WDR7: variants seen among roughly 807,000 people sequenced by gnomAD.
The protein encoded by WDR7 is WD repeat-containing protein 7.
WDR7 carries 46 observed loss-of-function variants against 169.4 expected under a neutral mutation model. The observed-to-expected ratio is 0.27, with a 90% CI of 0.21 to 0.35. The LOEUF (loss-of-function observed/expected upper bound fraction) is 0.35. Ranked by LOEUF, WDR7 falls within the 10% of genes least tolerant of loss-of-function variation. WDR7 has a pLI of 1.00. For synonymous variants in WDR7, 612 were observed against 666.8 expected (o/e 0.92, Z 1.27); for missense variants, 1,534 against 1,859.3 (o/e 0.83, Z 3.22).
rs371199081 is a variant in WDR7 at position 56,930,831 on chromosome 18, G to GC, written c.3714-4951dup. Among the ~76,000 whole-genome samples, 255 of 152,160 alleles carry GC rather than the reference G, an allele frequency of 1.7e-3. 1 individual carries two copies. The highest frequency in any genetic ancestry group is 5.9e-3 in the African/African-American group (245 of 41,484). On this transcript the variant is annotated intron_variant, in intron 22 of 27. Transcript: ENST00000254442. ...GAAAGTTTATATGTCTCCTCCACCG[G>GC]CCCCCCTGGAATATTCTCTTACATT...
At position 56,756,873 on chromosome 18, in the gene WDR7, T is replaced by C. The variant is rs78002177; in HGVS notation, c.2280T>C (p.Asp760=). The C allele has an allele frequency of 1.8e-4, 283 of 1,613,848 alleles. No homozygotes were observed. Among genetic ancestry groups the C allele is most frequent in the Non-Finnish European group, 2.2e-4 (260 of 1,179,992 alleles). The change falls in exon 15 of 28, where the codon GAT becomes GAC. Residue 760 remains aspartate (D), a synonymous_variant. Transcript: ENST00000254442. ...AGAACATCAAGGAACACCTCCTTGA[T>C]GATGAAGAGGAGGATGAGGAGATAA... ...IKENIKEHLL[D]DEEEDEEIMR...
intron 20 of WDR7, among the ~76,000 whole-genome samples, chr18:56,844,459 C>T (rs1426228672): frequency 2.0e-5 from 3 of 151,176 alleles, no homozygotes; most frequent in Non-Finnish European, 3.0e-5. Context: ...TGTGTTACAC[C>T]CTACTAAGGA....
At chr18:56,734,763 G>A (rs955030374) in intron 14 of WDR7, among the ~76,000 whole-genome samples, 1 of 151,658 alleles carries the variant, frequency 6.6e-6, no homozygotes, top group African/African-American at 2.4e-5. Context: ...GGTATTTTTT[G>A]TTCTTTATAT....
At chr18:56,840,322 G>C (rs1259959484) in intron 20 of WDR7, among the ~76,000 whole-genome samples, 1 of 151,912 alleles carries the variant, frequency 6.6e-6, no homozygotes, top group African/African-American at 2.4e-5. Context: ...GAACCAAAAT[G>C]ATCAAGATAT....
In WDR7 at chr18:56,844,851, A is replaced by G. The variant is rs568348682; in HGVS notation, c.3304+28707A>G. ...GGTATAGTAGTTCCTCCTTATCTGC[A>G]GTTTCAGTTACTCATGGTACAATAC... On this transcript the variant is annotated intron_variant, in intron 20 of 27. Coordinates refer to ENST00000254442, the MANE Select transcript of WDR7 (RefSeq NM_015285.3). Among the ~76,000 whole-genome samples, 3 of 152,300 alleles carry G rather than the reference A, an allele frequency of 2.0e-5. No individual in the cohort carries two copies. In the East Asian group the frequency reaches 5.8e-4, roughly 29 times the overall value.
chr18:56,754,584 A>G (rs1362242936), intron 14 of WDR7, among the ~76,000 whole-genome samples: 1 of 151,990 alleles, frequency 6.6e-6, no homozygotes, highest in Non-Finnish European at 1.5e-5. Context: ...GTATAGTTTC[A>G]TCTCACTTAA....
At chr18:56,857,122 A>G (rs1418270270) in intron 20 of WDR7, among the ~76,000 whole-genome samples, 1 of 152,178 alleles carries the variant, frequency 6.6e-6, no homozygotes, top group Admixed American at 6.5e-5. Flanking sequence ...GGTTCAATAT[A>G]AAACATTCAG....
chr18:56,979,928 A>G (rs2047617858), intron 26 of WDR7, among the ~76,000 whole-genome samples: 1 of 152,344 alleles, frequency 6.6e-6, no homozygotes, highest in African/African-American at 2.4e-5. Context: ...ATCCTTCATG[A>G]TATACTAAAA....
chr18:56,879,528 C>T (rs991451493), intron 20 of WDR7, among the ~76,000 whole-genome samples: 15 of 152,074 alleles, frequency 9.9e-5, no homozygotes, highest in African/African-American at 3.6e-4. Context: ...TTCTCTGATT[C>T]TGTGGGTTGT....
Position 56,934,275 on chromosome 18 carries a change from C to A in WDR7, c.3714-1513C>A, listed in dbSNP as rs189824109. Reference sequence around the variant, plus strand: ...AGCACTACTCACACAGTAAACATTTCTTTCACTGAATTTGCAGTTAGCCAA... The same window carrying A: ...AGCACTACTCACACAGTAAACATTTATTTCACTGAATTTGCAGTTAGCCAA... On this transcript the variant is annotated intron_variant, in intron 22 of 27. Coordinates refer to ENST00000254442, the MANE Select transcript of WDR7 (RefSeq NM_015285.3). 2.0e-5 allele frequency among the ~76,000 whole-genome samples: 3 copies of A among 152,224 alleles called. No individual in the cohort carries two copies. In the East Asian group the frequency reaches 5.8e-4, roughly 29 times the overall value.
At chr18:56,953,160 G>T (rs571569587) in intron 25 of WDR7, among the ~76,000 whole-genome samples, 1 of 151,994 alleles carries the variant, frequency 6.6e-6, no homozygotes, top group South Asian at 2.1e-4. Flanking sequence ...AGTAATATAG[G>T]AACTCTCTCC....
chr18:56,867,038 T>C (rs2045892236), intron 20 of WDR7, among the ~76,000 whole-genome samples: 1 of 152,028 alleles, frequency 6.6e-6, no homozygotes, highest in Admixed American at 6.6e-5. Context: ...TATTTATTTA[T>C]TTTTGAGGCA....
intron 1 of WDR7, among the ~76,000 whole-genome samples, chr18:56,663,572 A>G (rs2024952007): frequency 6.6e-6 from 1 of 152,054 alleles, no homozygotes; most frequent in African/African-American, 2.4e-5. Flanking sequence ...ATGTACACAT[A>G]TAGATGCACA....
intron 20 of WDR7, chr18:56,873,550 T>G (rs531618926): frequency 2.6e-4 from 39 of 152,274 alleles, no homozygotes; most frequent in African/African-American, 8.9e-4. Context: ...AATTTCCTAC[T>G]GGAAGCAGCC....
chr18:56,962,327 C>G, intron 25 of WDR7, 103 bp from the exon 26 acceptor site: 1 of 674,132 alleles, frequency 1.5e-6, no homozygotes, highest in Non-Finnish European at 2.5e-6. Context: ...AAATATATAT[C>G]AGAGCTGGCT....
Position 57,028,712 on chromosome 18 carries a change from A to G in WDR7, c.*1505A>G, listed in dbSNP as rs1026112004. The G allele has an allele frequency of 6.6e-6, 1 of 152,554 alleles. No homozygotes were observed. The highest frequency in any genetic ancestry group is 1.5e-5 in the Non-Finnish European group (1 of 68,034). The allele number at this position is 152,554 out of a possible 1,614,324, so 9.5% of individuals were successfully genotyped here. A position where few individuals can be genotyped will look rare whatever the true frequency, so the allele number is the denominator to read the frequency against. On this transcript the variant is annotated 3_prime_UTR_variant, in exon 28 of 28. Coordinates refer to ENST00000254442, the MANE Select transcript of WDR7 (RefSeq NM_015285.3). The stretch of plus-strand genomic sequence containing the variant: ...GGAACAAACATTGGTTATTTCACTG[A>G]AACAGATTTTTAAAGAGCATATTAA...
At chr18:56,699,759 C>A in intron 12 of WDR7, 7 of 917,232 alleles carry the variant, frequency 7.6e-6, no homozygotes, top group Non-Finnish European at 9.1e-6. Flanking sequence ...AAGTACTCAG[C>A]TAAATAATTC....
chr18:56,691,630 C>G, intron 8 of WDR7, 85 bp from the exon 9 acceptor site: 1 of 1,136,832 alleles, frequency 8.8e-7, no homozygotes, highest in Admixed American at 3.3e-5. Context: ...CCTTTTTGTC[C>G]AATACCAACA....
At position 56,723,042 on chromosome 18, in the gene WDR7, A is replaced by G. The variant is rs148640120; in HGVS notation, c.1774+4883A>G. Among the ~76,000 whole-genome samples, 376 of 152,310 alleles carry G rather than the reference A, an allele frequency of 2.5e-3. 2 individuals carry two copies. Among genetic ancestry groups the G allele is most frequent in the African/African-American group, 8.6e-3 (359 of 41,574 alleles). On this transcript the variant is annotated intron_variant, in intron 13 of 27. Coordinates refer to ENST00000254442, the MANE Select transcript of WDR7 (RefSeq NM_015285.3). ...TAAAGCCTTCAAGACAAGGTCTTCC[A>G]TAGTGTGGTACTTTCCTACCTTCTG...
Sources: allele counts gnomAD v4.1 joint callset (sites outside exome capture counted in the v4.1 genomes callset), GRCh38; gene constraint gnomAD v4.1.1; transcripts MANE v1.5; gene names NCBI Gene and HGNC (gene_info 2026-07-23, HGNC 2026-07-21).